The following ESR1 variants were observed in gnomAD, a reference collection of about 807,000 sequenced individuals.
ESR1 encodes estrogen receptor 1.
Under a neutral mutation model 52.7 loss-of-function variants are expected in ESR1, and 12 were observed. The observed-to-expected ratio is 0.23, with a 90% CI of 0.15 to 0.37. The LOEUF is 0.37. Among genes scored for constraint, ESR1 ranks in the 10% least tolerant of loss-of-function variants. ESR1 has a pLI of 1.00. For synonymous variants in ESR1, 305 were observed against 316.8 expected, an observed-to-expected ratio of 0.96 and a Z score of 0.39; for missense variants, 584 against 779.7, an observed-to-expected ratio of 0.75 and a Z score of 2.99.
chr6:151,921,521 C>A (rs1387631259), intron 3 of ESR1, among the ~76,000 whole-genome samples: 1 of 152,118 alleles, frequency 6.6e-6, no homozygotes. Context: ...CCATCTTCCT[C>A]AATGGTTGAA....
chr6:151,866,348 T>G (rs1057120477), intron 2 of ESR1, among the ~76,000 whole-genome samples: 1 of 152,184 alleles, frequency 6.6e-6, no homozygotes. Context: ...TTTTTTTTGC[T>G]TATTATACTT....
Position 151,922,804 on chromosome 6 carries a change from GAT to G in ESR1, c.761-21364_761-21363del, listed in dbSNP as rs546607435. ...ATCCTCTAAGCTGATAGTGCAAAGA[GAT>G]ATATGTGTGTGTACCAACCTATATA... is the stretch of plus-strand genomic sequence containing the variant. On this transcript the variant is annotated intron_variant, in intron 3 of 7. Coordinates refer to ENST00000206249, the MANE Select transcript of ESR1 (RefSeq NM_000125.4). 1.1e-4 allele frequency among the ~76,000 whole-genome samples: 17 copies of G among 151,958 alleles called. No individual in the cohort carries two copies. The South Asian group carries it at 3.5e-3, about 32-fold the overall frequency.
At position 151,960,922 on chromosome 6, in the gene ESR1, G is replaced by T. The variant is rs532694151; in HGVS notation, c.1096+16414G>T. Among the ~76,000 whole-genome samples, 107 of 152,262 alleles carry T rather than the reference G, an allele frequency of 7.0e-4. 1 individual carries two copies. The highest frequency in any genetic ancestry group is 1.2e-3 in the Non-Finnish European group (82 of 68,016). On this transcript the variant is annotated intron_variant, in intron 4 of 7. Coordinates refer to ENST00000206249, the MANE Select transcript of ESR1 (RefSeq NM_000125.4). Reference sequence around the variant, plus strand: ...TGACAGGATTTTCCCGATGGGCTGGGCGTAGTATGTGAGAGAAAGAATTCA... The same window carrying T: ...TGACAGGATTTTCCCGATGGGCTGGTCGTAGTATGTGAGAGAAAGAATTCA...
intron 4 of ESR1, among the ~76,000 whole-genome samples, chr6:151,961,875 T>C (rs1336726675): frequency 6.6e-6 from 1 of 152,168 alleles, no homozygotes. Flanking sequence ...GGTGTAGTTG[T>C]GGGCTCTTCT....
At chr6:151,896,619 T>A (rs1200131697) in intron 3 of ESR1, among the ~76,000 whole-genome samples, 2 of 152,152 alleles carry the variant, frequency 1.3e-5, no homozygotes, top group African/African-American at 2.4e-5. Context: ...ATTTCATTTA[T>A]CTTTTCAAAT....
chr6:151,905,408 TAA>T (rs1797288221), intron 3 of ESR1, among the ~76,000 whole-genome samples: 1 of 152,156 alleles, frequency 6.6e-6, no homozygotes. Context: ...CAACTGCAAA[TAA>T]ATGTTTGGGT....
intron 5 of ESR1, among the ~76,000 whole-genome samples, chr6:152,054,940 C>T (rs530471802): frequency 6.6e-6 from 1 of 152,228 alleles, no homozygotes; most frequent in South Asian, 2.1e-4. Context: ...TTCTTATAGC[C>T]CTTTGGTCAT....
At chr6:152,057,910 G>T (rs1428736794) in intron 5 of ESR1, among the ~76,000 whole-genome samples, 1 of 152,106 alleles carries the variant, frequency 6.6e-6, no homozygotes, top group African/African-American at 2.4e-5. Flanking sequence ...AGTCAAGAAC[G>T]AGCTCTTCGT....
At chr6:151,784,438 T>TA (rs1269123896) in intron 2 of ESR1, among the ~76,000 whole-genome samples, 1 of 152,154 alleles carries the variant, frequency 6.6e-6, no homozygotes, top group Non-Finnish European at 1.5e-5. Flanking sequence ...AAAAACACTT[T>TA]AAAAAAATGA....
At chr6:151,903,821 T>C (rs1244806703) in intron 3 of ESR1, among the ~76,000 whole-genome samples, 1 of 152,258 alleles carries the variant, frequency 6.6e-6, no homozygotes, top group Non-Finnish European at 1.5e-5. Context: ...TTATATTCCA[T>C]GTTCCAGATC....
intron 2 of ESR1, among the ~76,000 whole-genome samples, chr6:151,869,946 G>T (rs1350726250): frequency 3.3e-5 from 5 of 152,156 alleles, no homozygotes; most frequent in Non-Finnish European, 7.4e-5. Flanking sequence ...ATGCCATTGT[G>T]TACAGATGTG....
chr6:151,830,388 C>G (rs969159663), intron 1 of ESR1, among the ~76,000 whole-genome samples: 1 of 152,142 alleles, frequency 6.6e-6, no homozygotes, highest in African/African-American at 2.4e-5. Context: ...GAATGAATTT[C>G]GTAGTAATTC....
At chr6:152,124,231 G>A (rs1221219397) in intron 6 of ESR1, among the ~76,000 whole-genome samples, 8 of 152,246 alleles carry the variant, frequency 5.3e-5, no homozygotes, top group East Asian at 3.9e-4. Flanking sequence ...GCTTGAACCC[G>A]GGAGGCGGAG....
chr6:151,993,659 A>G (rs1584708313), intron 4 of ESR1, among the ~76,000 whole-genome samples: 1 of 152,174 alleles, frequency 6.6e-6, no homozygotes, highest in South Asian at 2.1e-4. Context: ...GCACTTAGCA[A>G]TTCATAACTT....
intron 3 of ESR1, among the ~76,000 whole-genome samples, chr6:151,931,721 C>G (rs1373363498): frequency 1.4e-5 from 2 of 146,076 alleles, no homozygotes; most frequent in Non-Finnish European, 3.0e-5. Context: ...TTTGTTCTTG[C>G]GATAGTTTAC....
intron 6 of ESR1, among the ~76,000 whole-genome samples, chr6:152,120,217 T>C (rs1038639788): frequency 6.6e-6 from 1 of 152,182 alleles, no homozygotes; most frequent in African/African-American, 2.4e-5. Context: ...GGGATTTCCA[T>C]ACCCCCTGAA....
chr6:151,710,136 A>T (rs1780485662), intron 2 of ESR1, among the ~76,000 whole-genome samples: 1 of 151,938 alleles, frequency 6.6e-6, no homozygotes, highest in African/African-American at 2.4e-5. Context: ...TCTCTAAACC[A>T]CTAATCTATT....
At chr6:151,775,609 C>G (rs930541815) in intron 2 of ESR1, among the ~76,000 whole-genome samples, 4 of 151,866 alleles carry the variant, frequency 2.6e-5, no homozygotes, top group African/African-American at 9.7e-5. Context: ...TTAGCTGTGC[C>G]GTGGCGGGCG....
chr6:152,117,890 T>C (rs1026152420), intron 6 of ESR1, among the ~76,000 whole-genome samples: 2 of 152,214 alleles, frequency 1.3e-5, no homozygotes, highest in African/African-American at 4.8e-5. Context: ...AGTTTCATTA[T>C]CTTTGGGTGA....
Sources: gnomAD v4.1 joint callset for allele counts (sites outside exome capture counted in the v4.1 genomes callset) on GRCh38, gnomAD v4.1.1 for gene constraint, MANE v1.5 for transcripts, NCBI Gene and HGNC (gene_info 2026-07-23, HGNC 2026-07-21) for gene names.